Variants in LPIN1 observed in about 807,000 individuals in gnomAD.
LPIN1 encodes phosphatidate phosphatase LPIN1.
LPIN1 carries 71 observed loss-of-function variants against 107.5 expected under a neutral mutation model. The ratio of observed to expected loss-of-function variants is 0.66; its 90% confidence interval spans 0.55 to 0.80. The LOEUF is 0.80. Among genes scored for constraint, LPIN1 ranks in the 30% least tolerant of loss-of-function variants. The pLI is 0.00. For synonymous variants in LPIN1, 445 were observed against 452.6 expected, an observed-to-expected ratio of 0.98 and a Z score of 0.21; for missense variants, 1,043 against 1,160.6, an observed-to-expected ratio of 0.90 and a Z score of 1.47.
At chr2:11,759,155 TTCTTTC>T (rs1399982418) in intron 1 of LPIN1, among the ~76,000 whole-genome samples, 1 of 149,660 alleles carries the variant, frequency 6.7e-6, no homozygotes, top group East Asian at 1.9e-4. Context: ...CTTTCTTTCT[TTCTTTC>T]TTTCTTTCTT....
chr2:11,762,537 A>AT lies in LPIN1; in HGVS notation c.-9-2994dup, dbSNP rs1382258122. Among the ~76,000 whole-genome samples, 3 of 152,154 alleles carry AT rather than the reference A, an allele frequency of 2.0e-5. No homozygotes were observed. In the East Asian group the frequency reaches 5.8e-4, roughly 29 times the overall value. ...GCCCCCATCCTCCGAGAGTCCTCTG[A>AT]TTAAACTTTGGTGTGGGTGAAGAGG... On this transcript the variant is annotated intron_variant, in intron 1 of 20. Coordinates refer to ENST00000674199, the MANE Select transcript of LPIN1 (RefSeq NM_001349206.2).
chr2:11,741,555 A>G, intron 2 of LPIN1: 1 of 665,126 alleles, frequency 1.5e-6, no homozygotes, highest in Non-Finnish European at 2.6e-6. Flanking sequence ...ACTCGAGCTC[A>G]GGAGTTTGAG....
intron 17 of LPIN1, among the ~76,000 whole-genome samples, chr2:11,814,511 C>CGTGTGTGTGTGTGTGTGT (rs1558297645): frequency 1.1e-5 from 1 of 94,864 alleles, no homozygotes; most frequent in African/African-American, 4.6e-5. Flanking sequence ...GGTGTGTGTG[C>CGTGTGTGTGTGTGTGTGT]ATGTGTGTGT....
In LPIN1 at chr2:11,825,335, G is replaced by A. The variant is rs1451937768; in HGVS notation, c.*544G>A. On this transcript the variant is annotated 3_prime_UTR_variant, in exon 21 of 21. Transcript: ENST00000674199. The surrounding 1 kb of genome is among the most constrained non-coding windows in gnomAD (Gnocchi z 4.1). Reference sequence around the variant, plus strand: ...CTGATAGAAATCTGGACGCCACCGGGTCCAGGCCTGGCCTCAGACTTGGCC... The same window carrying A: ...CTGATAGAAATCTGGACGCCACCGGATCCAGGCCTGGCCTCAGACTTGGCC... 1 of 158,828 alleles carries A rather than the reference G, an allele frequency of 6.3e-6. No individual in the cohort carries two copies. The highest frequency in any genetic ancestry group is 1.4e-5 in the Non-Finnish European group (1 of 71,842). The allele number at this position is 158,828 out of a possible 1,614,324, so 9.8% of individuals were successfully genotyped here. A position where few individuals can be genotyped will look rare whatever the true frequency, so the allele number is the denominator to read the frequency against.
intron 2 of LPIN1, among the ~76,000 whole-genome samples, chr2:11,767,233 C>A (rs1365734354): frequency 2.0e-5 from 3 of 152,074 alleles, no homozygotes; most frequent in Non-Finnish European, 4.4e-5. Context: ...GGAAACTCTT[C>A]CTTGAGTATG....
intron 1 of LPIN1, chr2:11,682,604 C>G (rs918203292): frequency 1.3e-5 from 2 of 152,172 alleles, no homozygotes; most frequent in African/African-American, 4.8e-5. Context: ...TTTTGTTTCC[C>G]TCTGTAAAGT....
At chr2:11,759,161 C>CTTTCTTTCTTTCTT (rs1669192274) in intron 1 of LPIN1, among the ~76,000 whole-genome samples, 1 of 149,350 alleles carries the variant, frequency 6.7e-6, no homozygotes, top group Non-Finnish European at 1.5e-5. Context: ...TTCTTTCTTT[C>CTTTCTTTCTTTCTT]TTTCTTTCTT....
chr2:11,789,364 T>C (rs575572575), intron 12 of LPIN1, among the ~76,000 whole-genome samples: 51 of 152,258 alleles, frequency 3.3e-4, no homozygotes, highest in Middle Eastern at 3.4e-3. Flanking sequence ...TGCGTGTGTG[T>C]GCGCATGTAT....
At chr2:11,686,115 A>G (rs1572303131) in intron 1 of LPIN1, among the ~76,000 whole-genome samples, 1 of 152,284 alleles carries the variant, frequency 6.6e-6, no homozygotes, top group East Asian at 1.9e-4. Flanking sequence ...TTATGTTGGG[A>G]TGGGCCACTG....
chr2:11,695,638 G>A (rs370791560), intron 1 of LPIN1, among the ~76,000 whole-genome samples: 64 of 152,300 alleles, frequency 4.2e-4, no homozygotes, highest in African/African-American at 1.4e-3. Flanking sequence ...TAGGGTAGCT[G>A]GGCCCCTTTT....
chr2:11,730,890 C>A (rs1334044458), intron 1 of LPIN1, among the ~76,000 whole-genome samples: 2 of 152,154 alleles, frequency 1.3e-5, no homozygotes, highest in Admixed American at 1.3e-4. Flanking sequence ...CTGCATGTCA[C>A]TCTCCTGTTC....
intron 17 of LPIN1, among the ~76,000 whole-genome samples, chr2:11,812,119 T>C (rs928202552): frequency 3.9e-5 from 6 of 152,292 alleles, no homozygotes; most frequent in African/African-American, 1.4e-4. Context: ...GAACATGTTA[T>C]TGAGCAATTT....
At chr2:11,772,151 A>C (rs1323070638) in intron 4 of LPIN1, among the ~76,000 whole-genome samples, 1 of 152,202 alleles carries the variant, frequency 6.6e-6, no homozygotes, top group Non-Finnish European at 1.5e-5. Flanking sequence ...CTCATCTGGC[A>C]GGAGGAGGAG....
intron 1 of LPIN1, among the ~76,000 whole-genome samples, chr2:11,763,453 G>A (rs1322534860): frequency 1.3e-5 from 2 of 152,150 alleles, no homozygotes; most frequent in Non-Finnish European, 2.9e-5. Context: ...ATAACACGGC[G>A]GCAGCTCGCA....
Position 11,776,140 on chromosome 2 carries a change from A to G in LPIN1, c.777A>G (p.Gly259=), listed in dbSNP as rs779803147. The G allele has an allele frequency of 1.3e-6, 2 of 1,547,944 alleles. No homozygotes were observed. The highest frequency in any genetic ancestry group is 1.7e-4 in the Middle Eastern group (1 of 5,938). Residue 259 remains glycine, a synonymous_variant, in exon 6 of 21, where the codon GGA becomes GGG. Coordinates refer to ENST00000674199, the MANE Select transcript of LPIN1 (RefSeq NM_001349206.2). ...CTCATCTTGCAGTTGCGGCCGAGGGAGGTCTGTCTAGTTCTTGCCCTCCAC... is the reference window on the plus strand; with the variant it reads ...CTCATCTTGCAGTTGCGGCCGAGGGGGGTCTGTCTAGTTCTTGCCCTCCAC... The part of the protein sequence containing the change: ...TAPHLAVAAE[G]GLSSSCPPQS...
At chr2:11,691,338 G>A (rs1179796627) in intron 1 of LPIN1, among the ~76,000 whole-genome samples, 14 of 152,118 alleles carry the variant, frequency 9.2e-5, no homozygotes, top group South Asian at 2.1e-4. Flanking sequence ...GAAAGGTTGG[G>A]TCACTTCCCT....
Position 11,824,994 on chromosome 2 carries a change from G to T in LPIN1, c.*203G>T. The T allele has an allele frequency of 1.6e-6, 1 of 617,772 alleles. No individual in the cohort carries two copies. Among genetic ancestry groups the T allele is most frequent in the Non-Finnish European group, 2.8e-6 (1 of 352,218 alleles). The allele number at this position is 617,772 out of a possible 1,614,324, so 38.3% of individuals were successfully genotyped here. On this transcript the variant is annotated 3_prime_UTR_variant, in exon 21 of 21. Transcript: ENST00000674199. Reference sequence around the variant, plus strand: ...CAAGATAGGAAGGGAGCACTTTCTAGGCTAGGAGTTGGGTGCATTTGTACC... The same window carrying T: ...CAAGATAGGAAGGGAGCACTTTCTATGCTAGGAGTTGGGTGCATTTGTACC...
intron 6 of LPIN1, among the ~76,000 whole-genome samples, chr2:11,778,643 C>T (rs539023086): frequency 3.9e-5 from 6 of 152,168 alleles, no homozygotes; most frequent in Non-Finnish European, 5.9e-5. Context: ...AAAACCCTGC[C>T]GCCTTCCTCT....
chr2:11,824,777 T>C lies in LPIN1; in HGVS notation c.2767T>C (p.Ser923Pro). Residue 923 changes from serine (S) to proline (P), a missense_variant, in exon 21 of 21, where the codon TCT (serine) becomes CCT (proline). Coordinates refer to ENST00000674199, the MANE Select transcript of LPIN1 (RefSeq NM_001349206.2). ...ACCTTTTGAAAACCAGGACATTCAT[T>C]CTGCCTCAGCGTAAAATGTCCCAAG... Reference protein sequence around the residue: ...LPPFENQDIHSASA With the variant: ...LPPFENQDIHPASA The C allele has an allele frequency of 6.2e-7, 1 of 1,614,208 alleles. No individual in the cohort carries two copies. The highest frequency in any genetic ancestry group is 8.5e-7 in the Non-Finnish European group (1 of 1,180,040).
Sources: allele counts gnomAD v4.1 joint callset (sites outside exome capture counted in the v4.1 genomes callset), GRCh38; gene constraint gnomAD v4.1.1; non-coding constraint Gnocchi (gnomAD v3.1); transcripts MANE v1.5; gene names NCBI Gene and HGNC (gene_info 2026-07-23, HGNC 2026-07-21).